MAST3: variants seen among roughly 807,000 people sequenced by gnomAD.
MAST3 encodes the protein microtubule associated serine/threonine kinase 3, also known as microtubule-associated serine/threonine-protein kinase 3.
MAST3 carries 43 observed loss-of-function variants against 127.0 expected under a neutral mutation model. The ratio of observed to expected loss-of-function variants is 0.34; its 90% CI spans 0.27 to 0.44. The LOEUF (loss-of-function observed/expected upper bound fraction) is 0.44, where lower values mean the gene tolerates loss of function less well. Among genes scored for constraint, MAST3 ranks in the 20% least tolerant of loss-of-function variants. The probability of loss-of-function intolerance (pLI) is 1.00; values close to 1 mark genes in which losing one functional copy is unlikely to be tolerated. For synonymous variants in MAST3, 785 were observed against 809.2 expected (o/e 0.97, Z 0.51); for missense variants, 1,390 against 1,919.1 (o/e 0.72, Z 5.15).
At chr19:18,136,019 CT>C (rs2041861461) in intron 18 of MAST3, among the ~76,000 whole-genome samples, 178 bp downstream of exon 18, 1 of 152,136 alleles carries the variant, frequency 6.6e-6, no homozygotes, top group Non-Finnish European at 1.5e-5. Flanking sequence ...ATCACAAGAC[CT>C]TGGAAAGAAT....
At position 18,110,784 on chromosome 19, in the gene MAST3, G is replaced by T. The variant is rs1427316207; in HGVS notation, c.161+43G>T. 7 of 922,966 alleles carry T rather than the reference G, an allele frequency of 7.6e-6. No individual in the cohort carries two copies. The highest frequency in any genetic ancestry group is 9.1e-6 in the Non-Finnish European group (7 of 772,810). The allele number at this position is 922,966 out of a possible 1,614,324, so 57.2% of individuals were successfully genotyped here. On this transcript the variant is annotated intron_variant, in intron 3 of 27. Transcript: ENST00000687212. This position sits in a 1 kb window ranked among gnomAD's most constrained non-coding sequence, Gnocchi z 4.3. ...TGGGCGGGGCGCAGACATCGCCCTGGCACCCCAGAGCCTTGGAAACCCTCC... is the reference window on the plus strand; with the variant it reads ...TGGGCGGGGCGCAGACATCGCCCTGTCACCCCAGAGCCTTGGAAACCCTCC...
At chr19:18,127,311 G>A (rs2040765387) in intron 11 of MAST3, among the ~76,000 whole-genome samples, 1 of 151,868 alleles carries the variant, frequency 6.6e-6, no homozygotes, top group African/African-American at 2.4e-5. Context: ...ACTTTGGGAG[G>A]CCAAGGCGGG....
intron 2 of MAST3, among the ~76,000 whole-genome samples, chr19:18,109,642 G>T (rs1051864179): frequency 5.9e-5 from 9 of 152,186 alleles, no homozygotes; most frequent in African/African-American, 2.2e-4. Flanking sequence ...TGGTGCTGGT[G>T]GGGGTGCAGG....
At chr19:18,123,407 C>A in intron 7 of MAST3, 33 bp downstream of exon 7, 2 of 1,583,690 alleles carry the variant, frequency 1.3e-6, no homozygotes, top group Non-Finnish European at 1.7e-6. Context: ...AGCCCCGGCC[C>A]CTCCCTGGGC....
In MAST3 at chr19:18,149,907, G is replaced by C; in HGVS notation, c.*181G>C. The C allele has an allele frequency of 1.4e-6, 1 of 729,200 alleles. No individual in the cohort carries two copies. The highest frequency in any genetic ancestry group is 2.1e-6 in the Non-Finnish European group (1 of 469,990). 45.2% of individuals were successfully genotyped at this position (729,200 alleles called of 1,614,324 possible). On this transcript the variant is annotated 3_prime_UTR_variant, in exon 28 of 28. Transcript: ENST00000687212. The surrounding 1 kb of genome is among the most constrained non-coding windows in gnomAD (Gnocchi z 5.9). ...TGTGTTCTGGTGTCAATCGGGGCTGGATGGGGCAAGAATGGGGGACAAGGG... is the reference window on the plus strand; with the variant it reads ...TGTGTTCTGGTGTCAATCGGGGCTGCATGGGGCAAGAATGGGGGACAAGGG...
chr19:18,107,494 G>A (rs550769837), intron 1 of MAST3, 93 bp from the exon 2 acceptor site: 2 of 1,243,174 alleles, frequency 1.6e-6, no homozygotes, highest in Admixed American at 1.7e-5. Flanking sequence ...ATTGGTTGGG[G>A]CATGGGATTG....
chr19:18,141,802 C>T, intron 20 of MAST3, 80 bp from the exon 21 acceptor site: 5 of 1,193,120 alleles, frequency 4.2e-6, no homozygotes, highest in Non-Finnish European at 5.4e-6. Context: ...GTGATCCTCC[C>T]AGCTGGGCCT....
intron 1 of MAST3, among the ~76,000 whole-genome samples, chr19:18,104,542 A>T (rs1308721374): frequency 6.6e-6 from 1 of 152,060 alleles, no homozygotes; most frequent in Non-Finnish European, 1.5e-5. Flanking sequence ...AATTGGCTGT[A>T]GGGGCCGATG....
At position 18,124,698 on chromosome 19, in the gene MAST3, G is replaced by T. The variant is rs563454933; in HGVS notation, c.1002G>T (p.Arg334=). The change falls in exon 11 of 28, where the codon CGG becomes CGT. Residue 334 remains arginine (R), a synonymous_variant. Transcript: ENST00000687212. ...TGGAGGCGGCTGAGGGCCATGCGCG[G>T]GAGGGCCAAGGCATTAAGACTGACC... The part of the protein sequence containing the change: ...HLLEAAEGHA[R]EGQGIKTDLP... 11 of 1,612,362 alleles carry T rather than the reference G, an allele frequency of 6.8e-6. No individual in the cohort carries two copies. The East Asian group carries it at 1.1e-4, about 16-fold the overall frequency.
In MAST3 at chr19:18,124,758, C is replaced by T. The variant is rs2040392308; in HGVS notation, c.1062C>T (p.Ala354=). Residue 354 remains alanine (A), a synonymous_variant, in exon 11 of 28, where the codon GCC becomes GCT. Transcript: ENST00000687212. ...PQYIIGQLGL[A]KDPLEEMVPL... Reference sequence around the variant, plus strand: ...ACATCATTGGGCAGCTGGGCCTGGCCAAGGACCCCCTGGAGGGTAAGCCGG... The same window carrying T: ...ACATCATTGGGCAGCTGGGCCTGGCTAAGGACCCCCTGGAGGGTAAGCCGG... The T allele has an allele frequency of 1.2e-6, 2 of 1,600,242 alleles. No homozygotes were observed. Among genetic ancestry groups the T allele is most frequent in the Non-Finnish European group, 1.7e-6 (2 of 1,172,766 alleles).
intron 17 of MAST3, 120 bp downstream of exon 17, chr19:18,135,102 G>A: frequency 8.1e-7 from 1 of 1,238,208 alleles, no homozygotes; most frequent in Non-Finnish European, 1.1e-6. Context: ...GATGCCAGGT[G>A]GGGAGGCGGT....
At chr19:18,135,908 G>C in intron 18 of MAST3, 67 bp downstream of exon 18, 1 of 1,243,054 alleles carries the variant, frequency 8.0e-7, no homozygotes, top group African/African-American at 1.5e-5. Context: ...GGAATGGAGG[G>C]ATAGCGCCCG....
intron 5 of MAST3, 94 bp downstream of exon 5, chr19:18,122,016 CATTT>C: frequency 6.5e-7 from 1 of 1,539,082 alleles, no homozygotes; most frequent in South Asian, 1.2e-5. Flanking sequence ...GCTCCTCATT[CATTT>C]CATTCACCTT....
At chr19:18,142,142 C>G (rs1474560791) in intron 21 of MAST3, 127 bp downstream of exon 21, 3 of 1,037,458 alleles carry the variant, frequency 2.9e-6, no homozygotes, top group African/African-American at 3.3e-5. Context: ...ATTGACCAGC[C>G]TATCAGGTCC....
intron 5 of MAST3, among the ~76,000 whole-genome samples, chr19:18,122,453 C>T (rs182519049): frequency 8.6e-4 from 118 of 137,972 alleles, no homozygotes; most frequent in Non-Finnish European, 1.5e-3. Context: ...TGACAGGGGA[C>T]ACAGTGGCAG....
chr19:18,122,161 T>C (rs1243292018), intron 5 of MAST3: 1 of 981,634 alleles, frequency 1.0e-6, no homozygotes, highest in Non-Finnish European at 1.2e-6. Flanking sequence ...TGGGGGGTCA[T>C]GGGGGGATAT....
intron 17 of MAST3, among the ~76,000 whole-genome samples, chr19:18,135,293 C>T (rs1479189708): frequency 6.6e-6 from 1 of 151,954 alleles, no homozygotes; most frequent in Admixed American, 6.6e-5. Context: ...GGTGAAACCC[C>T]ATCTCTACTA....
At chr19:18,102,433 C>A (rs923465314) in intron 1 of MAST3, among the ~76,000 whole-genome samples, 42 of 151,762 alleles carry the variant, frequency 2.8e-4, no homozygotes, top group African/African-American at 1.0e-3. Context: ...CCTGCCTCAG[C>A]CTCCCAAAGT....
intron 17 of MAST3, 75 bp downstream of exon 17, chr19:18,135,057 G>T: frequency 6.7e-7 from 1 of 1,495,008 alleles, no homozygotes; most frequent in Non-Finnish European, 9.0e-7. Flanking sequence ...CCACCCGCAT[G>T]TCAGGGAGAG....
Sources: allele counts gnomAD v4.1 joint callset (sites outside exome capture counted in the v4.1 genomes callset), GRCh38; gene constraint gnomAD v4.1.1; non-coding constraint Gnocchi (gnomAD v3.1); transcripts MANE v1.5; gene names NCBI Gene and HGNC (gene_info 2026-07-23, HGNC 2026-07-21).